The following FAM184A variants were observed in gnomAD, a reference collection of about 807,000 sequenced individuals.
FAM184A encodes the protein family with sequence similarity 184 member A, also known as protein FAM184A.
FAM184A carries 99 observed loss-of-function variants against 143.8 expected under a neutral mutation model. That is an observed-to-expected ratio of 0.69 (90% confidence interval 0.58 to 0.81). The LOEUF is 0.81. FAM184A is among the 40% of genes least tolerant of loss of function. The pLI, the probability that FAM184A is intolerant of heterozygous loss-of-function variation, is 0.00. For missense variants in FAM184A, 1,217 were observed against 1,310.5 expected (o/e 0.93, Z 1.10); for synonymous variants, 427 against 446.4 (o/e 0.96, Z 0.55).
chr6:119,039,663 GC>G (rs1786245780), intron 1 of FAM184A, among the ~76,000 whole-genome samples: 2 of 152,294 alleles, frequency 1.3e-5, no homozygotes, highest in East Asian at 3.9e-4. Context: ...TCATAGCTAG[GC>G]AAGACTGGGG....
At chr6:119,024,962 T>C (rs927951344) in intron 1 of FAM184A, 149 bp from the exon 2 acceptor site, 23 of 763,614 alleles carry the variant, frequency 3.0e-5, no homozygotes, top group Non-Finnish European at 4.7e-5. Flanking sequence ...ATGCAATTGT[T>C]TTTTTACTCA....
At chr6:119,059,221 C>T (rs770744818) in intron 1 of FAM184A, among the ~76,000 whole-genome samples, 16 of 152,096 alleles carry the variant, frequency 1.1e-4, no homozygotes, top group Non-Finnish European at 2.2e-4. Flanking sequence ...CTCAAGCAAT[C>T]CTCCCACCTC....
chr6:119,036,221 T>TC (rs1406437663), intron 1 of FAM184A, among the ~76,000 whole-genome samples: 3 of 151,466 alleles, frequency 2.0e-5, no homozygotes, highest in African/African-American at 7.3e-5. Context: ...AGTGTCTTTT[T>TC]TTTTTTAACT....
rs1783971497 is a variant in FAM184A at position 118,979,987 on chromosome 6, G to A, written c.2301+151C>T. 11 of 624,732 alleles carry A rather than the reference G, an allele frequency of 1.8e-5. No individual in the cohort carries two copies. The South Asian group carries it at 2.1e-4, about 12-fold the overall frequency. 38.7% of individuals were successfully genotyped at this position (624,732 alleles called of 1,614,324 possible). On this transcript the variant is annotated intron_variant, in intron 10 of 17. Transcript: ENST00000338891. The stretch of plus-strand genomic sequence containing the variant: ...ATCACGAGTCTAGGAAGTCGAGACT[G>A]CAGTGAGCCATGATTGTGCTGCTGC...
chr6:119,077,355 C>A (rs945449120), intron 1 of FAM184A, among the ~76,000 whole-genome samples: 2 of 152,140 alleles, frequency 1.3e-5, no homozygotes, highest in African/African-American at 2.4e-5. Flanking sequence ...CACTTCTTAC[C>A]GATAGGTATT....
chr6:119,122,758 CA>C (rs986647881), intron 1 of FAM184A, among the ~76,000 whole-genome samples: 91 of 151,164 alleles, frequency 6.0e-4, no homozygotes, highest in African/African-American at 2.2e-3. Flanking sequence ...CCTGGCTCTA[CA>C]AAAAATACAA....
At chr6:118,964,511 A>T (rs1783433114) in intron 16 of FAM184A, among the ~76,000 whole-genome samples, 156 bp downstream of exon 16, 1 of 151,898 alleles carries the variant, frequency 6.6e-6, no homozygotes, top group African/African-American at 2.4e-5. Context: ...CTTAAAATGA[A>T]CATATAAATA....
intron 1 of FAM184A, among the ~76,000 whole-genome samples, chr6:119,135,786 AT>A (rs1310282119): frequency 3.9e-5 from 6 of 152,178 alleles, no homozygotes; most frequent in Non-Finnish European, 8.8e-5. Flanking sequence ...GAAGATTAGA[AT>A]TTGGTTGAAA....
intron 7 of FAM184A, chr6:119,005,961 C>T: frequency 1.7e-6 from 1 of 590,148 alleles, no homozygotes; most frequent in Non-Finnish European, 3.1e-6. Context: ...GAACTGGGTC[C>T]CCAAAAAGAT....
chr6:119,004,760 T>C (rs1017416520), intron 7 of FAM184A, among the ~76,000 whole-genome samples: 6 of 152,184 alleles, frequency 3.9e-5, no homozygotes, highest in African/African-American at 1.2e-4. Context: ...GAAGAATTGA[T>C]AGAGTTTTGC....
chr6:119,021,223 G>A (rs191923900), intron 3 of FAM184A, among the ~76,000 whole-genome samples: 21 of 152,054 alleles, frequency 1.4e-4, no homozygotes, highest in Non-Finnish European at 2.5e-4. Flanking sequence ...TTAGAGGAAG[G>A]AAAATCTGAG....
chr6:119,110,521 T>C (rs1788905625), intron 1 of FAM184A, among the ~76,000 whole-genome samples: 1 of 151,978 alleles, frequency 6.6e-6, no homozygotes. Context: ...TTGGGGTTTT[T>C]ATTTGTAGGC....
At chr6:119,003,103 C>G in intron 8 of FAM184A, 54 bp from the exon 9 acceptor site, 1 of 1,483,006 alleles carries the variant, frequency 6.7e-7, no homozygotes, top group Non-Finnish European at 9.1e-7. Context: ...CTTTCACTGA[C>G]TGTAATAGAG....
At chr6:118,964,811 A>G in intron 15 of FAM184A, 40 bp from the exon 16 acceptor site, 1 of 1,093,090 alleles carries the variant, frequency 9.1e-7, no homozygotes, top group East Asian at 2.6e-5. Context: ...AATATTTTCT[A>G]TGGAATATTT....
intron 9 of FAM184A, among the ~76,000 whole-genome samples, chr6:118,984,245 A>ATT (rs1403880994): frequency 2.8e-5 from 4 of 145,442 alleles, no homozygotes; most frequent in African/African-American, 7.6e-5. Context: ...ATTTATATAT[A>ATT]TTTATATATA....
At chr6:119,045,970 A>G (rs968121466) in intron 1 of FAM184A, among the ~76,000 whole-genome samples, 3 of 152,174 alleles carry the variant, frequency 2.0e-5, no homozygotes, top group African/African-American at 7.2e-5. Context: ...TGTACTATAT[A>G]TTCCCTGATT....
At chr6:119,008,643 T>C (rs1369243599) in intron 6 of FAM184A, among the ~76,000 whole-genome samples, 1 of 152,150 alleles carries the variant, frequency 6.6e-6, no homozygotes, top group African/African-American at 2.4e-5. Flanking sequence ...TAGAAATAAA[T>C]ACTCAGATTC....
At chr6:119,008,504 T>C (rs1034605430) in intron 6 of FAM184A, among the ~76,000 whole-genome samples, 9 of 152,290 alleles carry the variant, frequency 5.9e-5, no homozygotes, top group Middle Eastern at 3.4e-3. Context: ...CTGGGTTCCA[T>C]TGTCACAATT....
At chr6:119,050,754 G>A (rs1341496118) in intron 1 of FAM184A, among the ~76,000 whole-genome samples, 3 of 151,570 alleles carry the variant, frequency 2.0e-5, no homozygotes, top group African/African-American at 4.9e-5. Flanking sequence ...GCAGTGAGCC[G>A]AGATTGCGCC....
Sources: gnomAD v4.1 joint callset for allele counts (sites outside exome capture counted in the v4.1 genomes callset) on GRCh38, gnomAD v4.1.1 for gene constraint, MANE v1.5 for transcripts, NCBI Gene and HGNC (gene_info 2026-07-23, HGNC 2026-07-21) for gene names.